The following SEPSECS variants were observed in gnomAD, a reference collection of about 807,000 sequenced individuals.
SEPSECS encodes the protein O-phosphoseryl-tRNA(Sec) selenium transferase.
Under a neutral mutation model 52.1 loss-of-function variants are expected in SEPSECS, and 42 were observed. That is an observed-to-expected ratio of 0.81 (90% CI 0.63 to 1.04). SEPSECS has a LOEUF of 1.04. Ranked by LOEUF, SEPSECS falls within the 50% of genes least tolerant of loss-of-function variation. The pLI is 0.00. For missense variants in SEPSECS, 590 were observed against 610.6 expected (o/e 0.97, Z 0.36); for synonymous variants, 216 against 211.4 (o/e 1.02, Z -0.19).
chr4:25,145,867 T>G (rs1476025142), intron 6 of SEPSECS, among the ~76,000 whole-genome samples: 1 of 152,224 alleles, frequency 6.6e-6, no homozygotes, highest in East Asian at 1.9e-4. Context: ...GTTTTACTTT[T>G]AACATCACTT....
At chr4:25,159,780 A>G (rs1712943926) in intron 1 of SEPSECS, 2 of 1,096,514 alleles carry the variant, frequency 1.8e-6, no homozygotes, top group Non-Finnish European at 2.2e-6. Context: ...TCAAAAAAAC[A>G]AAACACAACA....
At chr4:25,124,298 ATG>A in intron 10 of SEPSECS, 73 bp from the exon 11 acceptor site, 1 of 1,418,702 alleles carries the variant, frequency 7.0e-7, no homozygotes. Flanking sequence ...AACAAAAGAT[ATG>A]TGTTACAAAG....
Position 25,125,882 on chromosome 4 carries a change from C to A in SEPSECS, c.1121-98G>T, listed in dbSNP as rs1728343423. 1.1e-5 allele frequency: 9 copies of A among 785,346 alleles called. No individual in the cohort carries two copies. In the South Asian group the frequency reaches 1.2e-4, roughly 10 times the overall value. 48.6% of individuals were successfully genotyped at this position (785,346 alleles called of 1,614,324 possible). A position where few individuals can be genotyped will look rare whatever the true frequency, so the allele number is the denominator to read the frequency against. ...AATGATGAAGGCATTACTTTTTATTCATTGTCAAGTGGCACAATTTCACTT... is the reference window on the plus strand; with the variant it reads ...AATGATGAAGGCATTACTTTTTATTAATTGTCAAGTGGCACAATTTCACTT... On this transcript the variant is annotated intron_variant, in intron 9 of 10. Coordinates refer to ENST00000382103, the MANE Select transcript of SEPSECS (RefSeq NM_016955.4).
intron 8 of SEPSECS, among the ~76,000 whole-genome samples, chr4:25,130,934 T>C (rs1728581225): frequency 6.6e-6 from 1 of 152,210 alleles, no homozygotes; most frequent in Non-Finnish European, 1.5e-5. Flanking sequence ...CAAATGTATA[T>C]AGAAAGATCT....
At chr4:25,144,479 T>C (rs1231415644) in intron 8 of SEPSECS, among the ~76,000 whole-genome samples, 1 of 151,916 alleles carries the variant, frequency 6.6e-6, no homozygotes, top group African/African-American at 2.4e-5. Flanking sequence ...TTAAGTACCT[T>C]TAAGTGATAA....
chr4:25,154,368 A>C (rs1336862058), intron 5 of SEPSECS, among the ~76,000 whole-genome samples: 1 of 152,036 alleles, frequency 6.6e-6, no homozygotes, highest in Non-Finnish European at 1.5e-5. Context: ...AAAATGAAAC[A>C]AAAAAAATTG....
At chr4:25,138,257 ATAAAG>A in intron 8 of SEPSECS, among the ~76,000 whole-genome samples, 1 of 152,310 alleles carries the variant, frequency 6.6e-6, no homozygotes, top group Non-Finnish European at 1.5e-5. Context: ...TATCTATATA[ATAAAG>A]TATACTTTTA....
Position 25,138,807 on chromosome 4 carries a change from CA to C in SEPSECS, c.1026+5966del, listed in dbSNP as rs530913884. ...AACATGAATCTGCACCAAAATTCAT[CA>C]GGAAAATTTTGTTAAAAATGCAGTT... On this transcript the variant is annotated intron_variant, in intron 8 of 10. Transcript: ENST00000382103. 2.0e-3 allele frequency among the ~76,000 whole-genome samples: 301 copies of C among 152,312 alleles called. 1 individual carries two copies. In the South Asian group the frequency reaches 0.02, roughly 10 times the overall value.
Position 25,127,361 on chromosome 4 carries a change from C to G in SEPSECS, c.1027-4G>C, listed in dbSNP as rs188601318. ...TGGACAAATATGAAAACATTTCCTGCAACAACAAAATGTCACATTTAAAAC... is the reference window on the plus strand; with the variant it reads ...TGGACAAATATGAAAACATTTCCTGGAACAACAAAATGTCACATTTAAAAC... On this transcript the variant is annotated splice_region_variant and splice_polypyrimidine_tract_variant and intron_variant, in intron 8 of 10. Transcript: ENST00000382103. 1.2e-6 allele frequency: 2 copies of G among 1,603,722 alleles called. No homozygotes were observed. The highest frequency in any genetic ancestry group is 1.7e-5 in the Admixed American group (1 of 59,964).
intron 8 of SEPSECS, among the ~76,000 whole-genome samples, chr4:25,128,251 C>A (rs1261024312): frequency 1.3e-5 from 2 of 152,008 alleles, no homozygotes; most frequent in African/African-American, 4.8e-5. Flanking sequence ...GCCCCAACAC[C>A]AAGAAAAATG....
Position 25,156,866 on chromosome 4 carries a change from T to C in SEPSECS, c.378A>G (p.Ile126Met). The change falls in exon 3 of 11, where the codon ATA becomes ATG. Residue 126 changes from isoleucine to methionine, a missense_variant. Physicochemically the swap from Ile to Met is conservative, Grantham distance 10. Coordinates refer to ENST00000382103, the MANE Select transcript of SEPSECS (RefSeq NM_016955.4). The part of the protein sequence containing the change: ...KITNSLVLDI[I>M]KLAGVHTVAN... ...TAAGACGGTACATACCAGCCAGCTT[T>C]ATAATGTCCAGGACCAAAGAATTGG... The C allele has an allele frequency of 6.3e-7, 1 of 1,580,828 alleles. No individual in the cohort carries two copies. The highest frequency in any genetic ancestry group is 8.7e-7 in the Non-Finnish European group (1 of 1,149,676).
At chr4:25,149,347 G>C (rs2109026516) in intron 6 of SEPSECS, among the ~76,000 whole-genome samples, 1 of 151,986 alleles carries the variant, frequency 6.6e-6, no homozygotes, top group Admixed American at 6.6e-5. Flanking sequence ...ATTACAGAGG[G>C]GAGCCACCAC....
intron 8 of SEPSECS, among the ~76,000 whole-genome samples, chr4:25,140,603 TA>T (rs1729021934): frequency 6.6e-6 from 1 of 152,236 alleles, no homozygotes; most frequent in African/African-American, 2.4e-5. Context: ...AATGTATACA[TA>T]AAAATGTACT....
At chr4:25,128,819 A>C (rs1207807753) in intron 8 of SEPSECS, among the ~76,000 whole-genome samples, 1 of 151,970 alleles carries the variant, frequency 6.6e-6, no homozygotes, top group Admixed American at 6.6e-5. Context: ...GACAGCAAGA[A>C]ATGACACTTC....
chr4:25,121,061 G>T lies in SEPSECS; in HGVS notation c.*2870C>A, dbSNP rs1275406751. 2.6e-5 allele frequency: 4 copies of T among 152,014 alleles called. No individual in the cohort carries two copies. The highest frequency in any genetic ancestry group is 9.7e-5 in the African/African-American group (4 of 41,388). 9.4% of individuals were successfully genotyped at this position (152,014 alleles called of 1,614,324 possible). On this transcript the variant is annotated 3_prime_UTR_variant, in exon 11 of 11. Transcript: ENST00000382103. Reference sequence around the variant, plus strand: ...TTAAATTTACCATTCTGTATATCAAGTGCCTATTGGCTGAACAGAACTGTA... The same window carrying T: ...TTAAATTTACCATTCTGTATATCAATTGCCTATTGGCTGAACAGAACTGTA...
intron 8 of SEPSECS, among the ~76,000 whole-genome samples, chr4:25,136,564 A>G (rs933594101): frequency 3.9e-5 from 6 of 152,188 alleles, no homozygotes; most frequent in African/African-American, 1.4e-4. Flanking sequence ...GAAATTAGAG[A>G]GGACACAAAC....
chr4:25,134,350 G>A (rs1010457440), intron 8 of SEPSECS, among the ~76,000 whole-genome samples: 5 of 147,130 alleles, frequency 3.4e-5, no homozygotes, highest in Non-Finnish European at 6.0e-5. Context: ...GTGTGTGTGT[G>A]TGTATAAAAT....
At chr4:25,129,573 G>C (rs1298335453) in intron 8 of SEPSECS, among the ~76,000 whole-genome samples, 1 of 150,788 alleles carries the variant, frequency 6.6e-6, no homozygotes, top group Non-Finnish European at 1.5e-5. Flanking sequence ...AGTGAGCCAA[G>C]ATTGTGCCAG....
intron 8 of SEPSECS, among the ~76,000 whole-genome samples, chr4:25,144,329 A>AG (rs1185618417): frequency 4.0e-5 from 6 of 149,990 alleles, no homozygotes; most frequent in Non-Finnish European, 7.4e-5. Context: ...CTCCGCTCAA[A>AG]AAAAAAAAAA....
Sources: gnomAD v4.1 joint callset for allele counts (sites outside exome capture counted in the v4.1 genomes callset) on GRCh38, gnomAD v4.1.1 for gene constraint, MANE v1.5 for transcripts, NCBI Gene and HGNC (gene_info 2026-07-23, HGNC 2026-07-21) for gene names.